Variants in RGL1 observed in about 807,000 individuals in gnomAD.
RGL1 encodes the protein ral guanine nucleotide dissociation stimulator like 1, also known as ral guanine nucleotide dissociation stimulator-like 1.
In RGL1, 24 loss-of-function variants were observed where a neutral mutation model predicts 95.2. That is an observed-to-expected ratio of 0.25 (90% CI 0.18 to 0.35). RGL1 has a LOEUF of 0.35. Ranked by LOEUF, RGL1 falls within the 10% of genes least tolerant of loss-of-function variation. The pLI is 1.00. For missense variants in RGL1, 715 were observed against 936.3 expected, an observed-to-expected ratio of 0.76 and a Z score of 3.08; for synonymous variants, 329 against 344.9, an observed-to-expected ratio of 0.95 and a Z score of 0.51.
intron 1 of RGL1, among the ~76,000 whole-genome samples, chr1:183,680,359 G>T (rs7530317): frequency 0.081 from 12,314 of 152,082 alleles, 916 homozygotes; most frequent in African/African-American, 0.2. Context: ...GTCTTATGTT[G>T]AAGTCTTTAA....
In RGL1 at chr1:183,916,459, T is replaced by C. The variant is rs1182861685; in HGVS notation, c.1762T>C (p.Ser588Pro). Residue 588 changes from serine (S) to proline (P), a missense_variant, in exon 16 of 18, where the codon TCC becomes CCC. Ser to Pro is a moderately conservative substitution (Grantham distance 74, BLOSUM62 -1). This residue lies in a region of RGL1 where 330 missense variants were observed against 429.6 expected (regional missense o/e 0.77). Transcript: ENST00000360851. ...TTTACTCTTCCAGCTCTCTGAGTCC[T>C]CCTCATCCTGTTCTTCTATCCATTC... The part of the protein sequence containing the change: ...DEPQKKLSES[S>P]SSCSSIHSMD... The C allele has an allele frequency of 1.2e-6, 2 of 1,614,022 alleles. No homozygotes were observed. Among genetic ancestry groups the C allele is most frequent in the Non-Finnish European group, 8.5e-7 (1 of 1,180,008 alleles).
rs1405156235 is a variant in RGL1, at chr1:183,897,911, T to G, written c.1230+14T>G. Reference sequence around the variant, plus strand: ...CAGAAGGACATGGTATGTCTGGCCCTCGTCTTCCCTGACAGCTCACAGAGG... The same window carrying G: ...CAGAAGGACATGGTATGTCTGGCCCGCGTCTTCCCTGACAGCTCACAGAGG... On this transcript the variant is annotated intron_variant, in intron 10 of 17. Coordinates refer to ENST00000360851, the MANE Select transcript of RGL1 (RefSeq NM_001297671.3). 6.2e-7 allele frequency: 1 copy of G among 1,609,196 alleles called. No individual in the cohort carries two copies. Among genetic ancestry groups the G allele is most frequent in the Non-Finnish European group, 8.5e-7 (1 of 1,175,814 alleles).
intron 3 of RGL1, among the ~76,000 whole-genome samples, chr1:183,861,214 C>G (rs777268945): frequency 6.6e-6 from 1 of 152,114 alleles, no homozygotes; most frequent in Non-Finnish European, 1.5e-5. Flanking sequence ...ATTATTGGAT[C>G]ATTTGCCAGA....
chr1:183,678,295 C>G (rs1652968970), intron 1 of RGL1, among the ~76,000 whole-genome samples: 2 of 152,172 alleles, frequency 1.3e-5, no homozygotes, highest in African/African-American at 4.8e-5. Context: ...ATTATTTTCC[C>G]ACTTTCCATA....
chr1:183,916,317 G>A, intron 15 of RGL1, 130 bp from the exon 16 acceptor site: 1 of 1,082,598 alleles, frequency 9.2e-7, no homozygotes. Context: ...AGACACATGT[G>A]TGCTGTGGGC....
chr1:183,902,393 AC>A (rs997588579), intron 11 of RGL1, among the ~76,000 whole-genome samples, 174 bp from the exon 12 acceptor site: 6 of 152,158 alleles, frequency 3.9e-5, no homozygotes, highest in Admixed American at 3.3e-4. Flanking sequence ...TTATAATAAT[AC>A]TTTTTTTAAA....
rs115027841 is a variant in RGL1, at chr1:183,752,748, G to T, written c.132+10459G>T. 8.9e-3 allele frequency among the ~76,000 whole-genome samples: 1,180 copies of T among 133,190 alleles called. 20 individuals carry two copies. Among genetic ancestry groups the T allele is most frequent in the African/African-American group, 0.031 (1,090 of 35,036 alleles). 87.4% of individuals were successfully genotyped at this position (133,190 alleles called of 152,430 possible). ...TGGCCTTAAGATGTCTTTATTTTGTGTGCTTCTCAGAGTGATAGTTTAGAT... is the reference window on the plus strand; with the variant it reads ...TGGCCTTAAGATGTCTTTATTTTGTTTGCTTCTCAGAGTGATAGTTTAGAT... On this transcript the variant is annotated intron_variant, in intron 2 of 18. Transcript: ENST00000304685.
chr1:183,670,872 T>C (rs1056687009), intron 1 of RGL1, among the ~76,000 whole-genome samples: 8 of 152,254 alleles, frequency 5.3e-5, no homozygotes, highest in Admixed American at 5.2e-4. Flanking sequence ...TTGGTGGACA[T>C]TTGAATTGTT....
intron 1 of RGL1, among the ~76,000 whole-genome samples, chr1:183,725,457 C>G (rs777948452): frequency 1.6e-4 from 25 of 151,860 alleles, no homozygotes; most frequent in South Asian, 1.0e-3. Context: ...TTTAAAAACC[C>G]AATTATGTGT....
intron 1 of RGL1, among the ~76,000 whole-genome samples, chr1:183,738,087 G>A (rs185526292): frequency 3.7e-4 from 57 of 152,254 alleles, no homozygotes; most frequent in African/African-American, 1.2e-3. Context: ...TATGGTATTT[G>A]CCTGGAGGTT....
chr1:183,864,924 A>G (rs563307494), intron 3 of RGL1, among the ~76,000 whole-genome samples: 25 of 152,336 alleles, frequency 1.6e-4, no homozygotes, highest in African/African-American at 5.5e-4. Context: ...AAGGAACCAT[A>G]AGGGTACTGG....
upstream of RGL1, among the ~76,000 whole-genome samples, chr1:183,803,361 AG>A (rs1284443661): frequency 6.6e-6 from 1 of 152,190 alleles, no homozygotes; most frequent in East Asian, 1.9e-4. Flanking sequence ...AAACTCTTTC[AG>A]GTAGATGGTT....
chr1:183,892,886 T>C (rs1238065812), intron 9 of RGL1, among the ~76,000 whole-genome samples: 1 of 152,240 alleles, frequency 6.6e-6, no homozygotes, highest in East Asian at 1.9e-4. Flanking sequence ...CCTCATAGTC[T>C]TTCTATAAAG....
intron 1 of RGL1, among the ~76,000 whole-genome samples, chr1:183,706,842 T>C (rs1363986547): frequency 2.0e-5 from 3 of 152,298 alleles, no homozygotes; most frequent in South Asian, 4.1e-4. Flanking sequence ...CTCGTGTGGT[T>C]TGAAGGCTGT....
intron 1 of RGL1, among the ~76,000 whole-genome samples, chr1:183,727,877 T>G (rs1371669316): frequency 6.6e-6 from 1 of 152,220 alleles, no homozygotes; most frequent in East Asian, 1.9e-4. Flanking sequence ...GTATGATGAT[T>G]AATTTTGTGT....
chr1:183,829,272 T>C (rs1663092047), intron 2 of RGL1, among the ~76,000 whole-genome samples: 2 of 151,956 alleles, frequency 1.3e-5, no homozygotes, highest in South Asian at 4.2e-4. Context: ...AGACCTCGTC[T>C]CTATGAAAAA....
intron 2 of RGL1, among the ~76,000 whole-genome samples, chr1:183,773,993 C>T (rs1199670334): frequency 6.6e-6 from 1 of 151,218 alleles, no homozygotes; most frequent in East Asian, 1.9e-4. Context: ...GGAGTGCAGA[C>T]AAATTATAAT....
At chr1:183,905,776 C>T (rs1668283082) in intron 13 of RGL1, among the ~76,000 whole-genome samples, 1 of 152,004 alleles carries the variant, frequency 6.6e-6, no homozygotes, top group African/African-American at 2.4e-5. Flanking sequence ...ATATGTGGCC[C>T]ACTGCCTGTT....
chr1:183,720,722 G>A (rs771352995), intron 1 of RGL1, among the ~76,000 whole-genome samples: 7 of 152,244 alleles, frequency 4.6e-5, no homozygotes, highest in Non-Finnish European at 8.8e-5. Flanking sequence ...TGGGGAGAGA[G>A]TAGGAGTTTA....
Sources: gnomAD v4.1 joint callset for allele counts (sites outside exome capture counted in the v4.1 genomes callset) on GRCh38, gnomAD v4.1.1 for gene constraint, gnomAD v4.1.1 regional missense constraint, MANE v1.5 for transcripts, NCBI Gene and HGNC (gene_info 2026-07-23, HGNC 2026-07-21) for gene names.